The following PTPRD variants were observed in gnomAD, a reference collection of about 807,000 sequenced individuals.
PTPRD encodes the protein protein tyrosine phosphatase receptor type D.
A neutral mutation model predicts 214.5 loss-of-function variants in PTPRD; 34 were observed. The ratio of observed to expected loss-of-function variants is 0.16; its 90% CI spans 0.12 to 0.21. The LOEUF is 0.21. Among genes scored for constraint, PTPRD ranks in the 10% least tolerant of loss-of-function variants. PTPRD has a pLI of 1.00. For missense variants in PTPRD, 2,545 were observed against 2,398.7 expected, an observed-to-expected ratio of 1.06 and a Z score of -1.27; for synonymous variants, 1,128 against 845.7, an observed-to-expected ratio of 1.33 and a Z score of -5.79.
chr9:9,430,098 G>A (rs1398997780), intron 8 of PTPRD, among the ~76,000 whole-genome samples: 1 of 152,182 alleles, frequency 6.6e-6, no homozygotes. Flanking sequence ...CTTAGGAAAA[G>A]AGGAAGTCAA....
intron 5 of PTPRD, among the ~76,000 whole-genome samples, chr9:9,868,817 T>G (rs79438217): frequency 0.06 from 9,092 of 152,092 alleles, 853 homozygotes; most frequent in African/African-American, 0.2. Context: ...TTATTAAATC[T>G]CTCATCTACA....
chr9:9,973,283 T>C (rs2095215059), intron 4 of PTPRD, among the ~76,000 whole-genome samples: 1 of 137,890 alleles, frequency 7.3e-6, no homozygotes, highest in South Asian at 2.3e-4. Context: ...AGCAACATAG[T>C]GGTGAGACCT....
At chr9:9,652,671 A>T (rs1259171868) in intron 7 of PTPRD, among the ~76,000 whole-genome samples, 1 of 151,298 alleles carries the variant, frequency 6.6e-6, no homozygotes, top group African/African-American at 2.4e-5. Context: ...CTGGAGTGCA[A>T]TGGCACGATC....
intron 34 of PTPRD, among the ~76,000 whole-genome samples, chr9:8,440,235 G>A (rs547924599): frequency 3.9e-5 from 6 of 151,922 alleles, no homozygotes; most frequent in African/African-American, 1.4e-4. Flanking sequence ...CAAAGAACTT[G>A]AAGCACAGCT....
rs561939226 is a variant in PTPRD at position 8,853,052 on chromosome 9, GA to G, written c.-103-119107del. 3.0e-3 allele frequency among the ~76,000 whole-genome samples: 449 copies of G among 152,146 alleles called. 2 individuals carry two copies. Among genetic ancestry groups the G allele is most frequent in the African/African-American group, 0.01 (419 of 41,534 alleles). ...ATATTTTATAAATAAACTGTTAAGAGAAAAAAATGCAAACTGTTGATTTCTT... is the reference window on the plus strand; with the variant it reads ...ATATTTTATAAATAAACTGTTAAGAGAAAAAATGCAAACTGTTGATTTCTT... On this transcript the variant is annotated intron_variant, in intron 11 of 45. Transcript: ENST00000381196.
chr9:8,632,515 G>A (rs544909444), intron 14 of PTPRD, among the ~76,000 whole-genome samples: 31 of 151,914 alleles, frequency 2.0e-4, no homozygotes, highest in Non-Finnish European at 4.1e-4. Flanking sequence ...GAGAGAAAGA[G>A]ATAAAGGCAC....
At chr9:9,036,433 A>G (rs2099622105) in intron 10 of PTPRD, among the ~76,000 whole-genome samples, 1 of 152,166 alleles carries the variant, frequency 6.6e-6, no homozygotes, top group Admixed American at 6.6e-5. Context: ...TTAAGGATAC[A>G]TGATATTAAA....
intron 8 of PTPRD, among the ~76,000 whole-genome samples, chr9:9,532,303 C>A (rs910016719): frequency 1.3e-5 from 2 of 152,000 alleles, no homozygotes; most frequent in African/African-American, 4.8e-5. Context: ...ATTCAGTTAC[C>A]AAATTAACAA....
At chr9:9,403,742 T>A (rs1010511425) in intron 8 of PTPRD, among the ~76,000 whole-genome samples, 3 of 152,162 alleles carry the variant, frequency 2.0e-5, no homozygotes, top group Non-Finnish European at 4.4e-5. Flanking sequence ...ACACCTAATA[T>A]GTTTTGTATT....
intron 12 of PTPRD, among the ~76,000 whole-genome samples, chr9:8,721,248 G>C (rs1253864502): frequency 6.6e-6 from 1 of 151,566 alleles, no homozygotes; most frequent in Non-Finnish European, 1.5e-5. Flanking sequence ...GCCCAACATG[G>C]CAAAAACCCC....
At chr9:9,607,005 A>T (rs10977871) in intron 7 of PTPRD, among the ~76,000 whole-genome samples, 41,000 of 119,342 alleles carry the variant, frequency 0.34, 7,993 homozygotes, top group African/African-American at 0.41. Flanking sequence ...AAAAAAAAAA[A>T]GTGTTTCTGC....
At chr9:10,094,506 T>A (rs969340852) in intron 3 of PTPRD, among the ~76,000 whole-genome samples, 16 of 147,988 alleles carry the variant, frequency 1.1e-4, no homozygotes, top group Admixed American at 6.8e-4. Context: ...TAGAAATAAA[T>A]AAACAACAGT....
At chr9:9,046,713 T>C (rs1411478380) in intron 10 of PTPRD, among the ~76,000 whole-genome samples, 1 of 152,154 alleles carries the variant, frequency 6.6e-6, no homozygotes, top group Non-Finnish European at 1.5e-5. Flanking sequence ...GCAGGCAATT[T>C]TGTTATTGTA....
chr9:8,674,998 G>C (rs544238043), intron 12 of PTPRD, among the ~76,000 whole-genome samples: 2 of 152,024 alleles, frequency 1.3e-5, no homozygotes, highest in Non-Finnish European at 2.9e-5. Context: ...AAATAACCAG[G>C]GTATATTTTT....
At chr9:9,378,165 C>A (rs903031926) in intron 9 of PTPRD, among the ~76,000 whole-genome samples, 2 of 151,960 alleles carry the variant, frequency 1.3e-5, no homozygotes, top group Non-Finnish European at 2.9e-5. Context: ...AGTTTCACCA[C>A]CCCAAAATCC....
Position 10,419,997 on chromosome 9 carries a change from GA to G in PTPRD, c.-599-78981del, listed in dbSNP as rs573043763. On this transcript the variant is annotated intron_variant, in intron 2 of 45. Transcript: ENST00000381196. ...AATCAGATTTATAATTTATTGATTG[GA>G]AAAAAATATATAAAATACTGCTCTC... Among the ~76,000 whole-genome samples the G allele has an allele frequency of 7.9e-5, 12 of 151,502 alleles. No homozygotes were observed. The East Asian group carries it at 1.6e-3, about 20-fold the overall frequency.
At chr9:8,531,152 A>C (rs1009390353) in intron 14 of PTPRD, among the ~76,000 whole-genome samples, 1 of 152,080 alleles carries the variant, frequency 6.6e-6, no homozygotes, top group Admixed American at 6.6e-5. Flanking sequence ...ATCGTCAGCC[A>C]AGCAGAGGTC....
chr9:10,142,617 A>G (rs1391685499), intron 3 of PTPRD, among the ~76,000 whole-genome samples: 1 of 149,712 alleles, frequency 6.7e-6, no homozygotes, highest in Non-Finnish European at 1.5e-5. Context: ...TTAAAAAGTC[A>G]GGAAACAACA....
chr9:8,834,380 A>C (rs977802373), intron 11 of PTPRD, among the ~76,000 whole-genome samples: 2 of 152,048 alleles, frequency 1.3e-5, no homozygotes, highest in Non-Finnish European at 2.9e-5. Context: ...TTTATAGATA[A>C]AATGTTTTAA....
Sources: allele counts gnomAD v4.1 joint callset (sites outside exome capture counted in the v4.1 genomes callset), GRCh38; gene constraint gnomAD v4.1.1; transcripts MANE v1.5; gene names NCBI Gene and HGNC (gene_info 2026-07-23, HGNC 2026-07-21).